The following NEGR1 variants were observed in gnomAD, a reference collection of about 807,000 sequenced individuals.
The protein encoded by NEGR1 is IgLON family member 4.
A neutral mutation model predicts 40.9 loss-of-function variants in NEGR1; 10 were observed. The ratio of observed to expected loss-of-function variants is 0.24; its 90% CI spans 0.15 to 0.42. The LOEUF (loss-of-function observed/expected upper bound fraction) is 0.42, where lower values mean the gene tolerates loss of function less well. NEGR1 is among the 10% of genes least tolerant of loss of function. The pLI is 1.00. For missense variants in NEGR1, 352 were observed against 438.9 expected (o/e 0.80, Z 1.77); for synonymous variants, 185 against 166.8 (o/e 1.11, Z -0.84).
At chr1:72,110,183 G>GCAC (rs980830465) in intron 1 of NEGR1, among the ~76,000 whole-genome samples, 1 of 134,884 alleles carries the variant, frequency 7.4e-6, no homozygotes, top group African/African-American at 2.9e-5. Context: ...TAACTAACTT[G>GCAC]CACAATGTGC....
At chr1:72,194,013 AC>A (rs1652913770) in intron 1 of NEGR1, among the ~76,000 whole-genome samples, 1 of 151,872 alleles carries the variant, frequency 6.6e-6, no homozygotes, top group Non-Finnish European at 1.5e-5. Flanking sequence ...ATGAGCAACA[AC>A]TTTATACAAA....
In NEGR1 at chr1:71,609,287, G is replaced by A. The variant is rs560603167; in HGVS notation, c.788+1739C>T. On this transcript the variant is annotated intron_variant, in intron 5 of 6. Transcript: ENST00000357731. ...TCCCAGCACTTTGGGAGGCCGAGGC[G>A]GGTGGATCACAAGGTCAGGAGATCA... 7.9e-3 allele frequency among the ~76,000 whole-genome samples: 1,191 copies of A among 151,434 alleles called. 26 individuals are homozygous for A. The highest frequency in any genetic ancestry group is 0.027 in the African/African-American group (1,126 of 41,342).
intron 6 of NEGR1, chr1:71,407,885 A>T (rs1569836137): frequency 4.2e-6 from 1 of 238,380 alleles, no homozygotes; most frequent in Non-Finnish European, 8.3e-6. Context: ...CTCAACAGCT[A>T]CTAACATTAT....
At chr1:71,463,367 G>A (rs1646726149) in intron 6 of NEGR1, 1 of 152,078 alleles carries the variant, frequency 6.6e-6, no homozygotes, top group South Asian at 2.1e-4. Context: ...GTTTTGCAAG[G>A]TCAAATGACT....
Position 71,403,859 on chromosome 1 carries a change from A to G in NEGR1, c.*3587T>C. 2.6e-6 allele frequency: 1 copy of G among 383,146 alleles called. No individual in the cohort carries two copies. Among genetic ancestry groups the G allele is most frequent in the Non-Finnish European group, 4.7e-6 (1 of 214,876 alleles). The allele number at this position is 383,146 out of a possible 1,614,324, so 23.7% of individuals were successfully genotyped here. On this transcript the variant is annotated 3_prime_UTR_variant, in exon 7 of 7. Transcript: ENST00000357731. ...GAGCTTTTTCCAGTCTTTAAAGTAA[A>G]TACATATTCAAAGAATCTTAAGGCA... is the stretch of plus-strand genomic sequence containing the variant.
At chr1:71,587,431 C>T (rs149437840) in intron 6 of NEGR1, among the ~76,000 whole-genome samples, 158 of 144,560 alleles carry the variant, frequency 1.1e-3, no homozygotes, top group African/African-American at 3.8e-3. Flanking sequence ...TCACATTAAA[C>T]AGGCTGGGAA....
At chr1:71,901,513 C>A (rs1018684397) in intron 2 of NEGR1, among the ~76,000 whole-genome samples, 6 of 151,950 alleles carry the variant, frequency 3.9e-5, no homozygotes, top group Non-Finnish European at 5.9e-5. Flanking sequence ...CAATCAATTT[C>A]ATTGATCTAG....
chr1:71,733,270 A>G (rs1654946747), intron 3 of NEGR1, among the ~76,000 whole-genome samples: 1 of 152,156 alleles, frequency 6.6e-6, no homozygotes, highest in African/African-American at 2.4e-5. Context: ...TCTTTACAGA[A>G]ATGATAAGAA....
chr1:71,601,813 GC>G (rs1649929070), intron 5 of NEGR1, among the ~76,000 whole-genome samples: 1 of 152,090 alleles, frequency 6.6e-6, no homozygotes, highest in South Asian at 2.1e-4. Flanking sequence ...AAGTGGGAGG[GC>G]TGGGAGAGGA....
intron 6 of NEGR1, among the ~76,000 whole-genome samples, chr1:71,487,571 G>A (rs1443452169): frequency 1.3e-5 from 2 of 151,578 alleles, no homozygotes; most frequent in African/African-American, 4.8e-5. Flanking sequence ...CTCCATTTTT[G>A]TATCATTAGC....
intron 2 of NEGR1, among the ~76,000 whole-genome samples, chr1:71,925,765 C>T (rs1250974258): frequency 6.6e-6 from 1 of 151,704 alleles, no homozygotes; most frequent in Admixed American, 6.6e-5. Flanking sequence ...AGATCAAATC[C>T]CATTAAAACG....
intron 6 of NEGR1, among the ~76,000 whole-genome samples, chr1:71,544,733 G>T (rs1042424926): frequency 1.3e-5 from 2 of 151,672 alleles, no homozygotes; most frequent in Non-Finnish European, 3.0e-5. Flanking sequence ...GGGAGAGGCA[G>T]TCTGAGTAGC....
intron 3 of NEGR1, among the ~76,000 whole-genome samples, chr1:71,756,262 G>A (rs1279013975): frequency 2.6e-5 from 4 of 151,974 alleles, no homozygotes; most frequent in African/African-American, 9.6e-5. Context: ...TTTTGAAAGG[G>A]TAACATTCCT....
At chr1:71,750,434 G>A (rs958903135) in intron 3 of NEGR1, among the ~76,000 whole-genome samples, 1 of 152,116 alleles carries the variant, frequency 6.6e-6, no homozygotes, top group Admixed American at 6.6e-5. Flanking sequence ...TCATCCTGCT[G>A]GTAAAGACAT....
intron 4 of NEGR1, among the ~76,000 whole-genome samples, chr1:71,675,182 C>T (rs939261187): frequency 3.2e-5 from 4 of 126,474 alleles, no homozygotes; most frequent in South Asian, 2.7e-4. Flanking sequence ...TTAGCATGCC[C>T]GGTTAATAAT....
At chr1:71,426,510 T>A (rs1279246122) in intron 6 of NEGR1, among the ~76,000 whole-genome samples, 1 of 151,798 alleles carries the variant, frequency 6.6e-6, no homozygotes, top group Non-Finnish European at 1.5e-5. Context: ...ACTAGCAAGA[T>A]CAAGCGTACT....
At chr1:72,200,272 C>T (rs575385330) in intron 1 of NEGR1, among the ~76,000 whole-genome samples, 3 of 151,974 alleles carry the variant, frequency 2.0e-5, no homozygotes, top group Non-Finnish European at 4.4e-5. Flanking sequence ...AACCTAGGTG[C>T]CCATCAGCAG....
At chr1:71,711,495 A>AAC (rs1438104751) in intron 3 of NEGR1, among the ~76,000 whole-genome samples, 4 of 151,350 alleles carry the variant, frequency 2.6e-5, no homozygotes, top group Non-Finnish European at 4.4e-5. Flanking sequence ...AAAAAAAAAA[A>AAC]AAAGATTAGT....
intron 1 of NEGR1, among the ~76,000 whole-genome samples, chr1:72,015,116 A>AAT (rs67788203): frequency 0.52 from 78,979 of 151,600 alleles, 21,524 homozygotes; most frequent in East Asian, 0.67. Context: ...CAGTCACACT[A>AAT]ATGAGTTAAA....
Sources: gnomAD v4.1 joint callset for allele counts (sites outside exome capture counted in the v4.1 genomes callset) on GRCh38, gnomAD v4.1.1 for gene constraint, MANE v1.5 for transcripts, NCBI Gene and HGNC (gene_info 2026-07-23, HGNC 2026-07-21) for gene names.